MFN1: variants seen among roughly 807,000 people sequenced by gnomAD.
The protein encoded by MFN1 is mitofusin 1.
MFN1 carries 65 observed loss-of-function variants against 92.4 expected under a neutral mutation model. The observed-to-expected ratio is 0.70, with a 90% CI of 0.58 to 0.86. MFN1 has a LOEUF of 0.86. MFN1 is among the 40% of genes least tolerant of loss of function. MFN1 has a pLI of 0.00. For synonymous variants in MFN1, 297 were observed against 300.9 expected (o/e 0.99, Z 0.13); for missense variants, 781 against 868.0 (o/e 0.90, Z 1.26).
intron 7 of MFN1, among the ~76,000 whole-genome samples, chr3:179,366,746 T>A (rs1712809229): frequency 6.6e-6 from 1 of 152,214 alleles, no homozygotes; most frequent in Admixed American, 6.5e-5. Flanking sequence ...GCATTCCTAT[T>A]TAGATTTATT....
intron 9 of MFN1, among the ~76,000 whole-genome samples, chr3:179,370,257 T>C (rs894101934): frequency 1.3e-5 from 2 of 151,928 alleles, no homozygotes; most frequent in Non-Finnish European, 2.9e-5. Flanking sequence ...TAAATATAAA[T>C]ATATATCTAC....
intron 7 of MFN1, 67 bp downstream of exon 7, chr3:179,365,292 A>AATATTGCT: frequency 1.1e-6 from 1 of 885,536 alleles, no homozygotes; most frequent in Non-Finnish European, 1.7e-6. Flanking sequence ...TTGAGAAAAC[A>AATATTGCT]ATATTGCTTA....
chr3:179,369,566 A>G (rs1712940235), intron 9 of MFN1, among the ~76,000 whole-genome samples: 1 of 152,186 alleles, frequency 6.6e-6, no homozygotes, highest in Non-Finnish European at 1.5e-5. Context: ...TCCCAAGAAT[A>G]TCTCGTTGAG....
At chr3:179,365,981 T>A (rs1421939332) in intron 7 of MFN1, among the ~76,000 whole-genome samples, 1 of 152,256 alleles carries the variant, frequency 6.6e-6, no homozygotes. Context: ...TGCTTGTATA[T>A]GTCCTTCTGG....
intron 9 of MFN1, among the ~76,000 whole-genome samples, chr3:179,373,224 AGG>A (rs1022742155): frequency 6.6e-6 from 1 of 151,882 alleles, no homozygotes; most frequent in African/African-American, 2.4e-5. Flanking sequence ...AATGCTGAAG[AGG>A]GGAGCTAAAA....
intron 7 of MFN1, among the ~76,000 whole-genome samples, chr3:179,365,433 C>T (rs772144398): frequency 1.3e-5 from 2 of 152,102 alleles, no homozygotes; most frequent in Non-Finnish European, 2.9e-5. Context: ...CTAGTTATTT[C>T]AAAGCTTGAA....
intron 1 of MFN1, among the ~76,000 whole-genome samples, chr3:179,348,438 T>C (rs1360434519): frequency 6.6e-6 from 1 of 152,216 alleles, no homozygotes; most frequent in Non-Finnish European, 1.5e-5. Flanking sequence ...ATTTCCTCAC[T>C]CTGCATATCC....
At chr3:179,381,271 T>TA (rs1382087390) in intron 14 of MFN1, among the ~76,000 whole-genome samples, 1 of 152,232 alleles carries the variant, frequency 6.6e-6, no homozygotes, top group East Asian at 1.9e-4. Flanking sequence ...AAGTAGGTGG[T>TA]ACTGCAGGAA....
intron 4 of MFN1, 90 bp downstream of exon 4, chr3:179,359,092 G>A (rs749342263): frequency 1.0e-4 from 136 of 1,317,158 alleles, no homozygotes; most frequent in Non-Finnish European, 1.3e-4. Flanking sequence ...TGTCTGCATC[G>A]CTGACATCTT....
At chr3:179,387,792 G>A (rs1309976748) in intron 16 of MFN1, among the ~76,000 whole-genome samples, 1 of 146,758 alleles carries the variant, frequency 6.8e-6, no homozygotes, top group Non-Finnish European at 1.5e-5. Flanking sequence ...GCAGTAGCAC[G>A]ATCTCGGCTC....
Position 179,390,001 on chromosome 3 carries a change from A to C in MFN1, c.2013-3A>C. 6.3e-7 allele frequency: 1 copy of C among 1,594,956 alleles called. No homozygotes were observed. On this transcript the variant is annotated splice_polypyrimidine_tract_variant and splice_region_variant and intron_variant, in intron 16 of 17. Transcript: ENST00000471841. Reference sequence around the variant, plus strand: ...ATGACTGCTTCTAAATTTTTATTTTAAGACAAATAGCTACCACTTTTGCTC... The same window carrying C: ...ATGACTGCTTCTAAATTTTTATTTTCAGACAAATAGCTACCACTTTTGCTC...
At chr3:179,368,544 ATTATAT>A (rs1391058828) in intron 9 of MFN1, among the ~76,000 whole-genome samples, 1 of 152,224 alleles carries the variant, frequency 6.6e-6, no homozygotes, top group Non-Finnish European at 1.5e-5. Context: ...ACAAAATTTT[ATTATAT>A]TTATATACTG....
intron 9 of MFN1, among the ~76,000 whole-genome samples, chr3:179,374,893 C>T (rs887336688): frequency 6.6e-6 from 1 of 151,632 alleles, no homozygotes; most frequent in Non-Finnish European, 1.5e-5. Flanking sequence ...TAAAGGTGAT[C>T]CAGATAAAAA....
intron 4 of MFN1, 52 bp from the exon 5 acceptor site, chr3:179,362,306 A>T: frequency 8.1e-6 from 12 of 1,478,540 alleles, no homozygotes; most frequent in Non-Finnish European, 1.1e-5. Context: ...TTTAATTTTT[A>T]TTGAATTTTA....
intron 14 of MFN1, among the ~76,000 whole-genome samples, chr3:179,379,038 A>T (rs1435038583): frequency 6.6e-6 from 1 of 152,198 alleles, no homozygotes; most frequent in Non-Finnish European, 1.5e-5. Flanking sequence ...ACAGGTGGAA[A>T]ATTCCACACC....
intron 4 of MFN1, chr3:179,359,612 T>A (rs1242296085): frequency 6.9e-6 from 1 of 145,350 alleles, no homozygotes; most frequent in Admixed American, 6.9e-5. Flanking sequence ...TTTTTTTTTT[T>A]TTTTTTTATT....
intron 3 of MFN1, among the ~76,000 whole-genome samples, chr3:179,354,868 C>T (rs1174052812): frequency 6.6e-6 from 1 of 152,176 alleles, no homozygotes; most frequent in Non-Finnish European, 1.5e-5. Context: ...GATCTTGGCT[C>T]ACTGCAACCT....
chr3:179,389,891 C>A (rs1713835913), intron 16 of MFN1, 113 bp from the exon 17 acceptor site: 2 of 936,428 alleles, frequency 2.1e-6, no homozygotes, highest in South Asian at 1.6e-5. Context: ...GTTCTGATTC[C>A]CTATAGTTTA....
chr3:179,364,427 G>A lies in MFN1; in HGVS notation c.645+22G>A, dbSNP rs955647019. On this transcript the variant is annotated intron_variant, in intron 6 of 17. Coordinates refer to ENST00000471841, the MANE Select transcript of MFN1 (RefSeq NM_033540.3). ...TACGGTAGGATTTAATCATATTATT[G>A]TGTTTCGATGGTAGGAAATGAAATG... 2.0e-6 allele frequency: 3 copies of A among 1,489,046 alleles called. No homozygotes were observed. The African/African-American group carries it at 4.1e-5, about 21-fold the overall frequency. 92.2% of individuals were successfully genotyped at this position (1,489,046 alleles called of 1,614,324 possible).
Sources: allele counts gnomAD v4.1 joint callset (sites outside exome capture counted in the v4.1 genomes callset), GRCh38; gene constraint gnomAD v4.1.1; transcripts MANE v1.5; gene names NCBI Gene and HGNC (gene_info 2026-07-23, HGNC 2026-07-21).